ZNF277: variants seen among roughly 807,000 people sequenced by gnomAD.
ZNF277 encodes nuclear receptor-interacting factor 4.
Under a neutral mutation model 60.7 loss-of-function variants are expected in ZNF277, and 55 were observed. The observed-to-expected ratio is 0.91, with a 90% CI of 0.73 to 1.13. ZNF277 has a LOEUF of 1.13. Ranked by LOEUF, ZNF277 falls within the 50% of genes most tolerant of loss-of-function variation. The pLI, the probability that ZNF277 is intolerant of heterozygous loss-of-function variation, is 0.00. For synonymous variants in ZNF277, 178 were observed against 179.3 expected, an observed-to-expected ratio of 0.99 and a Z score of 0.06; for missense variants, 510 against 523.0, an observed-to-expected ratio of 0.98 and a Z score of 0.24.
chr7:112,294,267 G>A (rs530739831), intron 2 of ZNF277, among the ~76,000 whole-genome samples: 21 of 152,340 alleles, frequency 1.4e-4, no homozygotes, highest in African/African-American at 5.1e-4. Context: ...GTAGGAGACT[G>A]AGGAGTACAA....
chr7:112,308,231 C>T (rs1792644133), intron 4 of ZNF277, among the ~76,000 whole-genome samples: 1 of 151,848 alleles, frequency 6.6e-6, no homozygotes, highest in South Asian at 2.1e-4. Flanking sequence ...AAATTGTGAC[C>T]ATGGCTGGGT....
chr7:112,337,476 A>G (rs1169430474), intron 8 of ZNF277, among the ~76,000 whole-genome samples: 1 of 152,178 alleles, frequency 6.6e-6, no homozygotes, highest in African/African-American at 2.4e-5. Context: ...TGAGATAGCT[A>G]CTCAGAAGAA....
At chr7:112,340,828 G>T (rs1393462368) in intron 10 of ZNF277, 44 bp from the exon 11 acceptor site, 1 of 1,566,734 alleles carries the variant, frequency 6.4e-7, no homozygotes, top group African/African-American at 1.4e-5. Context: ...GCAAAAAATG[G>T]GTCTGAACAG....
chr7:112,265,405 AC>A (rs1791529245), intron 1 of ZNF277, among the ~76,000 whole-genome samples: 1 of 152,198 alleles, frequency 6.6e-6, no homozygotes. Flanking sequence ...CTTAAAGTTC[AC>A]CATCTTATAT....
chr7:112,225,353 A>G (rs903345591), intron 1 of ZNF277, among the ~76,000 whole-genome samples: 1 of 152,214 alleles, frequency 6.6e-6, no homozygotes, highest in Admixed American at 6.5e-5. Context: ...TTAATCCTGA[A>G]TAATCAGCCA....
chr7:112,318,339 CTGTT>C (rs1386369512), intron 5 of ZNF277, 66 bp downstream of exon 5: 135 of 1,388,142 alleles, frequency 9.7e-5, no homozygotes, highest in Non-Finnish European at 1.4e-4. Context: ...ACATCCCTAA[CTGTT>C]GGTTATATAA....
chr7:112,269,015 GT>G (rs1791607225), intron 1 of ZNF277, among the ~76,000 whole-genome samples: 1 of 152,102 alleles, frequency 6.6e-6, no homozygotes, highest in South Asian at 2.1e-4. Context: ...TGTTGGGACA[GT>G]TTGTTATCTG....
chr7:112,225,996 A>G (rs564481214), intron 1 of ZNF277, among the ~76,000 whole-genome samples: 5 of 152,188 alleles, frequency 3.3e-5, no homozygotes, highest in Non-Finnish European at 5.9e-5. Context: ...CCAAGACATA[A>G]ATATTATATC....
At chr7:112,298,475 G>T (rs1051818750) in intron 4 of ZNF277, among the ~76,000 whole-genome samples, 6 of 152,112 alleles carry the variant, frequency 3.9e-5, no homozygotes, top group African/African-American at 1.4e-4. Flanking sequence ...ATGGGGAGGA[G>T]TATGAGATAA....
Position 112,263,773 on chromosome 7 carries a change from T to C in ZNF277, c.92-23100T>C, listed in dbSNP as rs76082544. Among the ~76,000 whole-genome samples, 900 of 152,216 alleles carry C rather than the reference T, an allele frequency of 5.9e-3. 9 individuals carry two copies. Among genetic ancestry groups the C allele is most frequent in the African/African-American group, 0.02 (845 of 41,526 alleles). Reference sequence around the variant, plus strand: ...GCCAGTGGGCTTTTTGTGGGTTTGGTTTTGTTAAGCTTTTATGAGCATCAC... The same window carrying C: ...GCCAGTGGGCTTTTTGTGGGTTTGGCTTTGTTAAGCTTTTATGAGCATCAC... On this transcript the variant is annotated intron_variant, in intron 1 of 11. Coordinates refer to ENST00000361822, the MANE Select transcript of ZNF277 (RefSeq NM_021994.3).
intron 1 of ZNF277, among the ~76,000 whole-genome samples, chr7:112,219,828 A>C (rs1821980662): frequency 6.6e-6 from 1 of 152,000 alleles, no homozygotes; most frequent in South Asian, 2.1e-4. Context: ...GTAGAGGGAG[A>C]TCTCACTATG....
Position 112,337,790 on chromosome 7 carries a change from A to T in ZNF277, c.930A>T (p.Gln310His), listed in dbSNP as rs757429761. Residue 310 changes from glutamine to histidine, a missense_variant, in exon 9 of 12, where the codon CAA (glutamine) becomes CAT (histidine). By Grantham distance (24) the Gln-to-His change is conservative. Transcript: ENST00000361822. ...CAGTCTGCTTATTTTGTGAAAAGCA[A>T]GCAGAAACAATTGAGAAGTTGTATG... ...ASAVCLFCEK[Q>H]AETIEKLYVH... 4.3e-6 allele frequency: 7 copies of T among 1,612,388 alleles called. No homozygotes were observed. The South Asian group carries it at 6.6e-5, about 15-fold the overall frequency.
In ZNF277 at chr7:112,332,249, T is replaced by C. The variant is rs138136458; in HGVS notation, c.801+2033T>C. ...TTTTTTTAGCTAGCAGCTATTTGAG[T>C]ACTTATAATCTGCAGGCACTATCCT... On this transcript the variant is annotated intron_variant, in intron 7 of 11. Transcript: ENST00000361822. Among the ~76,000 whole-genome samples the C allele has an allele frequency of 2.3e-3, 349 of 152,324 alleles. 1 individual carries two copies. The highest frequency in any genetic ancestry group is 4.0e-3 in the Non-Finnish European group (273 of 68,034).
At chr7:112,313,091 ATTC>A (rs1792767943) in intron 4 of ZNF277, among the ~76,000 whole-genome samples, 1 of 152,028 alleles carries the variant, frequency 6.6e-6, no homozygotes, top group African/African-American at 2.4e-5. Context: ...TCATATTTCA[ATTC>A]TTAATATTTT....
intron 1 of ZNF277, among the ~76,000 whole-genome samples, chr7:112,219,091 A>G (rs1821960338): frequency 1.3e-5 from 2 of 152,198 alleles, no homozygotes; most frequent in Admixed American, 1.3e-4. Flanking sequence ...CCAACAGTGT[A>G]CAGAGTTGCC....
At chr7:112,303,143 G>T (rs1162347327) in intron 4 of ZNF277, among the ~76,000 whole-genome samples, 1 of 151,794 alleles carries the variant, frequency 6.6e-6, no homozygotes, top group Non-Finnish European at 1.5e-5. Context: ...TAGAGACAGG[G>T]TTTAACCATG....
intron 1 of ZNF277, among the ~76,000 whole-genome samples, chr7:112,237,344 G>A (rs1376409897): frequency 6.6e-6 from 1 of 151,860 alleles, no homozygotes; most frequent in East Asian, 1.9e-4. Flanking sequence ...TGAACCCAAA[G>A]CTAGCAGAAG....
Position 112,287,013 on chromosome 7 carries a change from CA to C in ZNF277, c.233del (p.His78ProfsTer2), listed in dbSNP as rs775341994. The C allele has an allele frequency of 8.7e-6, 14 of 1,613,896 alleles. No homozygotes were observed. The highest frequency in any genetic ancestry group is 1.7e-6 in the Non-Finnish European group (2 of 1,180,004). ...PVAEQDKLLK[H>X]MIIEHKIVIA... ...GGCTGAACAAGACAAACTTCTGAAG[CA>C]CATGATTATTGAGCATAAGATTGTC... is the stretch of plus-strand genomic sequence containing the variant. On this transcript the variant is annotated frameshift_variant, in exon 2 of 12. Transcript: ENST00000361822. LOFTEE classifies it high-confidence loss of function.
intron 6 of ZNF277, among the ~76,000 whole-genome samples, chr7:112,329,707 G>A (rs1370731941): frequency 1.3e-5 from 2 of 152,060 alleles, no homozygotes; most frequent in Non-Finnish European, 2.9e-5. Flanking sequence ...CCCAAACCAT[G>A]TACTAATTAT....
Sources: allele counts gnomAD v4.1 joint callset (sites outside exome capture counted in the v4.1 genomes callset), GRCh38; gene constraint gnomAD v4.1.1; transcripts MANE v1.5; gene names NCBI Gene and HGNC (gene_info 2026-07-23, HGNC 2026-07-21).